The following FBXL5 variants were observed in gnomAD, a reference collection of about 807,000 sequenced individuals.
The protein encoded by FBXL5 is F-box/LRR-repeat protein 5.
A neutral mutation model predicts 78.3 loss-of-function variants in FBXL5; 26 were observed. That is an observed-to-expected ratio of 0.33 (90% confidence interval 0.24 to 0.46). The LOEUF (loss-of-function observed/expected upper bound fraction) is 0.46. Among genes scored for constraint, FBXL5 ranks in the 20% least tolerant of loss-of-function variants. FBXL5 has a pLI of 1.00. For synonymous variants in FBXL5, 295 were observed against 282.5 expected, an observed-to-expected ratio of 1.04 and a Z score of -0.45; for missense variants, 710 against 829.2, an observed-to-expected ratio of 0.86 and a Z score of 1.77.
chr4:15,655,513 C>T (rs959637278), upstream of FBXL5: 5 of 357,772 alleles, frequency 1.4e-5, no homozygotes, highest in African/African-American at 2.2e-5. Context: ...CTTCTGCCTC[C>T]CGCCCCCACT....
chr4:15,655,883 G>T (rs946148268), upstream of FBXL5, among the ~76,000 whole-genome samples: 24 of 152,362 alleles, frequency 1.6e-4, no homozygotes, highest in African/African-American at 5.8e-4. Context: ...CAAAGGCCGG[G>T]CCTGGCTCCC....
chr4:15,644,378 A>G (rs1577470254), intron 2 of FBXL5, 115 bp downstream of exon 2: 1 of 833,716 alleles, frequency 1.2e-6, no homozygotes, highest in African/African-American at 1.7e-5. Flanking sequence ...ACAAGTGACA[A>G]AATAATTTTT....
chr4:15,662,021 G>C (rs1392366532), upstream of FBXL5, among the ~76,000 whole-genome samples: 5 of 152,240 alleles, frequency 3.3e-5, no homozygotes, highest in Non-Finnish European at 7.3e-5. Flanking sequence ...CCAATAAAGA[G>C]AGAGAGCAAA....
intron 1 of FBXL5, among the ~76,000 whole-genome samples, chr4:15,654,410 TATG>T (rs1716559277): frequency 6.6e-6 from 1 of 152,204 alleles, no homozygotes; most frequent in South Asian, 2.1e-4. Flanking sequence ...CTCTTCAGCT[TATG>T]CTGCACCAAT....
At position 15,616,717 on chromosome 4, in the gene FBXL5, T is replaced by C. The variant is rs1025662139; in HGVS notation, c.1851-4303A>G. 4.6e-5 allele frequency among the ~76,000 whole-genome samples: 7 copies of C among 152,320 alleles called. No individual in the cohort carries two copies. In the East Asian group the frequency reaches 5.8e-4, roughly 13 times the overall value. ...AAATGACTTCCCTGGGGACCAAGAATGCCCACAGGGATCTCCCCACTGCTT... is the reference window on the plus strand; with the variant it reads ...AAATGACTTCCCTGGGGACCAAGAACGCCCACAGGGATCTCCCCACTGCTT... On this transcript the variant is annotated intron_variant, in intron 9 of 10. Transcript: ENST00000341285.
chr4:15,668,192 CAAAA>C (rs1295077411), intron 1 of FBXL5, among the ~76,000 whole-genome samples: 23 of 150,556 alleles, frequency 1.5e-4, no homozygotes, highest in Non-Finnish European at 3.2e-4. Context: ...AGTATAAAGA[CAAAA>C]AAAGTATCAG....
chr4:15,632,563 A>C (rs1713789689), intron 5 of FBXL5, among the ~76,000 whole-genome samples: 1 of 152,042 alleles, frequency 6.6e-6, no homozygotes, highest in Non-Finnish European at 1.5e-5. Context: ...ATGTTCTTCC[A>C]TTTGTTTGTG....
intron 8 of FBXL5, 122 bp from the exon 9 acceptor site, chr4:15,626,099 T>A: frequency 8.0e-6 from 7 of 879,720 alleles, no homozygotes; most frequent in Non-Finnish European, 1.2e-5. Context: ...CTTAAGTATT[T>A]AGTGAATTAT....
upstream of FBXL5, among the ~76,000 whole-genome samples, chr4:15,663,660 A>G (rs1717412656): frequency 6.6e-6 from 1 of 152,248 alleles, no homozygotes; most frequent in South Asian, 2.1e-4. Context: ...AAATGAGATT[A>G]TATAGTCAAA....
At chr4:15,617,619 A>G (rs144676895) in intron 9 of FBXL5, among the ~76,000 whole-genome samples, 235 of 152,318 alleles carry the variant, frequency 1.5e-3, no homozygotes, top group African/African-American at 5.4e-3. Flanking sequence ...AAAAAGGAAC[A>G]AGATCATGTA....
upstream of FBXL5, chr4:15,656,153 G>C: frequency 2.2e-6 from 1 of 455,942 alleles, no homozygotes. Flanking sequence ...ATAATGGAAG[G>C]TTGGTGCGGG....
chr4:15,651,704 T>C (rs1716078842), intron 1 of FBXL5, among the ~76,000 whole-genome samples: 1 of 152,248 alleles, frequency 6.6e-6, no homozygotes. Flanking sequence ...ATGTCCTATC[T>C]GTATAAATAA....
At chr4:15,661,635 T>TTTTTTCTC (rs1247061311), upstream of FBXL5, among the ~76,000 whole-genome samples, 1 of 152,228 alleles carries the variant, frequency 6.6e-6, no homozygotes, top group Non-Finnish European at 1.5e-5. Context: ...ATGGGGTCTT[T>TTTTTTCTC]TTTTTCTCTT....
intron 9 of FBXL5, among the ~76,000 whole-genome samples, chr4:15,621,824 C>T (rs1712512295): frequency 6.6e-6 from 1 of 152,138 alleles, no homozygotes; most frequent in African/African-American, 2.4e-5. Flanking sequence ...ATTTAACATT[C>T]TCCAGTCAAT....
intron 10 of FBXL5, among the ~76,000 whole-genome samples, 197 bp from the exon 11 acceptor site, chr4:15,605,996 T>G (rs1469074721): frequency 6.6e-6 from 1 of 152,198 alleles, no homozygotes; most frequent in Admixed American, 6.5e-5. Flanking sequence ...AATATATCCT[T>G]CATGGTCCAA....
chr4:15,666,821 A>T (rs1368747733), intron 1 of FBXL5, among the ~76,000 whole-genome samples: 1 of 152,018 alleles, frequency 6.6e-6, no homozygotes, highest in East Asian at 1.9e-4. Context: ...TACCTGTCTC[A>T]ACAAACAAAA....
At chr4:15,608,561 G>A (rs919642239) in intron 10 of FBXL5, among the ~76,000 whole-genome samples, 3 of 150,982 alleles carry the variant, frequency 2.0e-5, no homozygotes, top group African/African-American at 4.9e-5. Context: ...CATATAAAAT[G>A]TGTCTACTCA....
chr4:15,657,619 A>G (rs1717067230), upstream of FBXL5, among the ~76,000 whole-genome samples: 1 of 152,270 alleles, frequency 6.6e-6, no homozygotes, highest in Admixed American at 6.5e-5. Flanking sequence ...AATTTGTTTT[A>G]GATGACAAAA....
chr4:15,628,693 A>T (rs539597106), intron 6 of FBXL5, among the ~76,000 whole-genome samples: 1 of 151,632 alleles, frequency 6.6e-6, no homozygotes, highest in African/African-American at 2.4e-5. Context: ...AGCAGACAAA[A>T]GGATATCAAC....
Sources: allele counts gnomAD v4.1 joint callset (sites outside exome capture counted in the v4.1 genomes callset), GRCh38; gene constraint gnomAD v4.1.1; transcripts MANE v1.5; gene names NCBI Gene and HGNC (gene_info 2026-07-23, HGNC 2026-07-21).